The following BACH2 variants were observed in gnomAD, a reference collection of about 807,000 sequenced individuals.
BACH2 encodes the protein transcription regulator protein BACH2.
BACH2 carries 5 observed loss-of-function variants against 61.8 expected under a neutral mutation model. The ratio of observed to expected loss-of-function variants is 0.08; its 90% CI spans 0.04 to 0.17. BACH2 has a LOEUF of 0.17. Among genes scored for constraint, BACH2 ranks in the 10% least tolerant of loss-of-function variants. The pLI is 1.00. For synonymous variants in BACH2, 446 were observed against 440.1 expected, an observed-to-expected ratio of 1.01 and a Z score of -0.17; for missense variants, 824 against 1,091.1, an observed-to-expected ratio of 0.76 and a Z score of 3.45.
At chr6:90,000,019 G>C (rs1777051371) in intron 6 of BACH2, among the ~76,000 whole-genome samples, 1 of 152,170 alleles carries the variant, frequency 6.6e-6, no homozygotes. Context: ...ACACATTTCT[G>C]CATAAGTTTC....
intron 5 of BACH2, among the ~76,000 whole-genome samples, chr6:90,023,298 G>A (rs1778475538): frequency 6.6e-6 from 1 of 152,092 alleles, no homozygotes; most frequent in Admixed American, 6.5e-5. Flanking sequence ...CATAGGGGAG[G>A]TTTCTCGTGG....
At chr6:90,130,711 T>C (rs1784049298) in intron 4 of BACH2, among the ~76,000 whole-genome samples, 1 of 152,168 alleles carries the variant, frequency 6.6e-6, no homozygotes, top group African/African-American at 2.4e-5. Flanking sequence ...TGCTTCACCA[T>C]GGGACAATAC....
chr6:90,269,589 C>A (rs1461914962), intron 2 of BACH2, among the ~76,000 whole-genome samples: 2 of 152,106 alleles, frequency 1.3e-5, no homozygotes, highest in African/African-American at 2.4e-5. Context: ...AAGGGGTAAC[C>A]AGCATCAAAA....
intron 5 of BACH2, among the ~76,000 whole-genome samples, chr6:90,018,599 T>C (rs1388382776): frequency 6.6e-6 from 1 of 152,222 alleles, no homozygotes. Flanking sequence ...GGTTTATTTT[T>C]TATGCTACAG....
chr6:90,010,565 A>G (rs2127781341), intron 5 of BACH2, among the ~76,000 whole-genome samples: 1 of 152,332 alleles, frequency 6.6e-6, no homozygotes, highest in East Asian at 1.9e-4. Flanking sequence ...ACATTCACAT[A>G]CAATTCTTTG....
intron 1 of BACH2, among the ~76,000 whole-genome samples, chr6:90,290,002 A>G (rs1772132345): frequency 6.6e-6 from 1 of 152,224 alleles, no homozygotes. Flanking sequence ...TTGGCAGTTA[A>G]CTTCTGTTTT....
At chr6:90,189,657 C>T (rs1434981694) in intron 4 of BACH2, among the ~76,000 whole-genome samples, 1 of 147,304 alleles carries the variant, frequency 6.8e-6, no homozygotes, top group East Asian at 2.0e-4. Flanking sequence ...CTTCCTTTGG[C>T]TTCAAACTAA....
At chr6:90,080,845 T>C in intron 5 of BACH2, 8 of 892,786 alleles carry the variant, frequency 9.0e-6, no homozygotes, top group Non-Finnish European at 1.1e-5. Flanking sequence ...TAACACCGTC[T>C]TCATGCGCGG....
intron 5 of BACH2, among the ~76,000 whole-genome samples, chr6:90,087,092 T>C (rs1036166714): frequency 6.6e-6 from 1 of 152,196 alleles, no homozygotes; most frequent in African/African-American, 2.4e-5. Flanking sequence ...CATTTTAACA[T>C]ATACCTACTG....
intron 6 of BACH2, among the ~76,000 whole-genome samples, chr6:89,992,567 G>A (rs530037459): frequency 5.3e-4 from 80 of 152,304 alleles, no homozygotes; most frequent in African/African-American, 1.9e-3. Flanking sequence ...ACCTGAACCC[G>A]GGAGGTGGAG....
chr6:90,247,366 G>T (rs1770673120), intron 3 of BACH2, among the ~76,000 whole-genome samples: 1 of 150,958 alleles, frequency 6.6e-6, no homozygotes, highest in African/African-American at 2.4e-5. Context: ...CTCCTTAGTA[G>T]CTGGGACTAC....
In BACH2 at chr6:90,060,071, C is replaced by T. The variant is rs117104386; in HGVS notation, c.-13+28890G>A. Among the ~76,000 whole-genome samples the T allele has an allele frequency of 7.2e-3, 1,079 of 150,772 alleles. 47 individuals are homozygous for T. In the East Asian group the frequency reaches 0.13, roughly 18 times the overall value. Reference sequence around the variant, plus strand: ...AGCACACCAACATGGCACATGTATACGTATGTAACGAAGCTGCACGTCGTG... The same window carrying T: ...AGCACACCAACATGGCACATGTATATGTATGTAACGAAGCTGCACGTCGTG... On this transcript the variant is annotated intron_variant, in intron 5 of 8. Transcript: ENST00000257749.
chr6:90,047,298 A>C (rs186266797), intron 5 of BACH2, among the ~76,000 whole-genome samples: 10 of 152,312 alleles, frequency 6.6e-5, no homozygotes, highest in African/African-American at 2.4e-4. Context: ...CAGAGGTGGC[A>C]GGGGCCTATA....
intron 4 of BACH2, among the ~76,000 whole-genome samples, chr6:90,191,853 C>G (rs544466785): frequency 1.3e-5 from 2 of 152,312 alleles, no homozygotes; most frequent in South Asian, 4.1e-4. Context: ...AGACCCTTCT[C>G]TAAAATCTGA....
chr6:90,078,229 G>T (rs1421347588), intron 5 of BACH2, among the ~76,000 whole-genome samples: 1 of 152,030 alleles, frequency 6.6e-6, no homozygotes, highest in Admixed American at 6.6e-5. Context: ...AGCCTTACTT[G>T]ATTACAACAT....
At chr6:90,131,150 A>G (rs1784065280) in intron 4 of BACH2, among the ~76,000 whole-genome samples, 1 of 152,216 alleles carries the variant, frequency 6.6e-6, no homozygotes, top group African/African-American at 2.4e-5. Flanking sequence ...ACCAGTTATC[A>G]GAGGCATTTA....
chr6:89,955,982 TAGA>T lies in BACH2; in HGVS notation c.244-4123_244-4121del, dbSNP rs566810245. Among the ~76,000 whole-genome samples, 516 of 152,214 alleles carry T rather than the reference TAGA, an allele frequency of 3.4e-3. 1 individual carries two copies. The highest frequency in any genetic ancestry group is 0.011 in the African/African-American group (472 of 41,522). ...TAAAATGGAATGAAGTGGCTATAAATAGAAGAATAGTTCCAACTCACTGATGTT... is the reference window on the plus strand; with the variant it reads ...TAAAATGGAATGAAGTGGCTATAAATAGAATAGTTCCAACTCACTGATGTT... On this transcript the variant is annotated intron_variant, in intron 6 of 8. Coordinates refer to ENST00000257749, the MANE Select transcript of BACH2 (RefSeq NM_021813.4).
intron 5 of BACH2, among the ~76,000 whole-genome samples, chr6:90,034,234 T>C (rs1779155523): frequency 6.6e-6 from 1 of 152,222 alleles, no homozygotes. Flanking sequence ...ATCTGATTAC[T>C]TACAATTGAC....
intron 4 of BACH2, among the ~76,000 whole-genome samples, chr6:90,111,915 T>C (rs1431015309): frequency 6.6e-6 from 1 of 152,248 alleles, no homozygotes; most frequent in Non-Finnish European, 1.5e-5. Context: ...TGGATGCTTC[T>C]GTGAGTGACA....
Sources: allele counts gnomAD v4.1 joint callset (sites outside exome capture counted in the v4.1 genomes callset), GRCh38; gene constraint gnomAD v4.1.1; transcripts MANE v1.5; gene names NCBI Gene and HGNC (gene_info 2026-07-23, HGNC 2026-07-21).